ENTHD1: variants seen among roughly 807,000 people sequenced by gnomAD.
ENTHD1 encodes ENTH domain-containing protein 1.
A neutral mutation model predicts 39.1 loss-of-function variants in ENTHD1; 23 were observed. The observed-to-expected ratio is 0.59, with a 90% CI of 0.42 to 0.83. The LOEUF is 0.83. ENTHD1 is among the 40% of genes least tolerant of loss of function. ENTHD1 has a pLI of 0.00. For missense variants in ENTHD1, 624 were observed against 705.4 expected, an observed-to-expected ratio of 0.88 and a Z score of 1.31; for synonymous variants, 230 against 258.2, an observed-to-expected ratio of 0.89 and a Z score of 1.05.
intron 6 of ENTHD1, among the ~76,000 whole-genome samples, chr22:39,752,114 GATATACTTTTTGGTATACTATATACT>G (rs566669570): frequency 1.1e-4 from 16 of 151,714 alleles, no homozygotes; most frequent in African/African-American, 3.6e-4. Context: ...GAGAGAAATA[GATATACTTTTTGGTATACTATATACT>G]ATATACTTTT....
chr22:39,793,030 A>C (rs2065517173), intron 5 of ENTHD1, among the ~76,000 whole-genome samples: 1 of 152,152 alleles, frequency 6.6e-6, no homozygotes, highest in South Asian at 2.1e-4. Flanking sequence ...TAATGGCTGT[A>C]CTAATTTACA....
intron 1 of ENTHD1, among the ~76,000 whole-genome samples, chr22:39,892,395 C>T (rs986993952): frequency 1.2e-4 from 19 of 152,180 alleles, no homozygotes; most frequent in African/African-American, 4.6e-4. Flanking sequence ...CTTTTGGGTG[C>T]GGTGGTAGGG....
At chr22:39,772,804 A>G (rs1442215519) in intron 5 of ENTHD1, among the ~76,000 whole-genome samples, 1 of 152,216 alleles carries the variant, frequency 6.6e-6, no homozygotes, top group Non-Finnish European at 1.5e-5. Flanking sequence ...CCATGGAACG[A>G]TAAGTATAAG....
rs374715564 is a variant in ENTHD1, at chr22:39,858,034, T to G, written c.592+3731A>C. Among the ~76,000 whole-genome samples, 266 of 152,314 alleles carry G rather than the reference T, an allele frequency of 1.7e-3. 1 individual carries two copies. Among genetic ancestry groups the G allele is most frequent in the African/African-American group, 6.0e-3 (248 of 41,570 alleles). ...AATAAAGCCTGCAACATCAACTGAC[T>G]CTTCCTTTCACAAAAGATTTATCTG... On this transcript the variant is annotated intron_variant, in intron 3 of 6. Coordinates refer to ENST00000325157, the MANE Select transcript of ENTHD1 (RefSeq NM_152512.4).
intron 3 of ENTHD1, among the ~76,000 whole-genome samples, chr22:39,844,691 C>T (rs1601635357): frequency 6.6e-6 from 1 of 152,084 alleles, no homozygotes; most frequent in Non-Finnish European, 1.5e-5. Context: ...CCTTCTCCCC[C>T]AAAAGCAATA....
intron 4 of ENTHD1, among the ~76,000 whole-genome samples, chr22:39,830,006 A>C (rs1216819903): frequency 1.3e-5 from 2 of 152,052 alleles, no homozygotes; most frequent in African/African-American, 2.4e-5. Flanking sequence ...TTAGGCTCCC[A>C]AGTAGCTGGA....
intron 5 of ENTHD1, among the ~76,000 whole-genome samples, chr22:39,773,117 CAAAAAAAAAAAAAAAAA>C (rs57398699): frequency 2.8e-5 from 1 of 36,102 alleles, no homozygotes; most frequent in Non-Finnish European, 5.1e-5. Context: ...GACCTCATCT[CAAAAAAAAAAAAAAAAA>C]AAAAAAAAAA....
chr22:39,882,570 G>T (rs139019667), intron 2 of ENTHD1, among the ~76,000 whole-genome samples: 33 of 152,336 alleles, frequency 2.2e-4, no homozygotes, highest in African/African-American at 7.7e-4. Flanking sequence ...AGAGCCAGTG[G>T]TTTGCAAACT....
At chr22:39,841,341 G>A (rs991759902) in intron 3 of ENTHD1, among the ~76,000 whole-genome samples, 1 of 152,148 alleles carries the variant, frequency 6.6e-6, no homozygotes, top group African/African-American at 2.4e-5. Context: ...GAGCCATTAG[G>A]GAGCGCTCTT....
chr22:39,835,577 AC>A (rs1569160609), intron 4 of ENTHD1, among the ~76,000 whole-genome samples: 1 of 152,136 alleles, frequency 6.6e-6, no homozygotes, highest in Non-Finnish European at 1.5e-5. Context: ...AACAAAAGAC[AC>A]CAAAAGCAAA....
chr22:39,840,583 A>G (rs764338497), intron 3 of ENTHD1, among the ~76,000 whole-genome samples: 4 of 151,832 alleles, frequency 2.6e-5, no homozygotes, highest in Non-Finnish European at 5.9e-5. Flanking sequence ...TTAAAAAATT[A>G]ATTTTTAGTA....
intron 2 of ENTHD1, among the ~76,000 whole-genome samples, chr22:39,865,932 C>T (rs2066178609): frequency 6.6e-6 from 1 of 152,212 alleles, no homozygotes; most frequent in African/African-American, 2.4e-5. Context: ...CTTGCATTTT[C>T]TCTTCTTGCA....
intron 3 of ENTHD1, among the ~76,000 whole-genome samples, chr22:39,853,992 A>T (rs2146710448): frequency 6.6e-6 from 1 of 152,334 alleles, no homozygotes; most frequent in South Asian, 2.1e-4. Flanking sequence ...GCTGGAGCCC[A>T]TCCTGGAAGC....
At chr22:39,782,969 G>A (rs1484104081) in intron 5 of ENTHD1, among the ~76,000 whole-genome samples, 2 of 152,082 alleles carry the variant, frequency 1.3e-5, no homozygotes, top group East Asian at 3.9e-4. Flanking sequence ...CATCCAAATT[G>A]GAAAGAAAGA....
intron 5 of ENTHD1, among the ~76,000 whole-genome samples, chr22:39,786,756 G>T (rs2146594256): frequency 6.6e-6 from 1 of 152,256 alleles, no homozygotes; most frequent in South Asian, 2.1e-4. Context: ...GAGCTCGACT[G>T]TTTTAGATTC....
chr22:39,795,778 A>G (rs1955641642), intron 5 of ENTHD1, among the ~76,000 whole-genome samples: 1 of 151,846 alleles, frequency 6.6e-6, no homozygotes, highest in Non-Finnish European at 1.5e-5. Flanking sequence ...CAGTTTGTTC[A>G]TATTTTTGGC....
intron 2 of ENTHD1, among the ~76,000 whole-genome samples, chr22:39,872,430 C>A (rs2066251581): frequency 6.6e-6 from 1 of 151,988 alleles, no homozygotes; most frequent in African/African-American, 2.4e-5. Flanking sequence ...TTGTCTAAAC[C>A]TTTTTCAAGG....
rs1449498296 is a variant in ENTHD1, at chr22:39,854,709, A to G, written c.592+7056T>C. ...TGGGAAAACATCCAAGAAAAGAAAA[A>G]AAAAAAGAAGTAGAAGTGGTGATGT... On this transcript the variant is annotated intron_variant, in intron 3 of 6. Coordinates refer to ENST00000325157, the MANE Select transcript of ENTHD1 (RefSeq NM_152512.4). Among the ~76,000 whole-genome samples the G allele has an allele frequency of 4.6e-5, 7 of 152,162 alleles. No individual in the cohort carries two copies. The South Asian group carries it at 1.2e-3, about 27-fold the overall frequency.
chr22:39,780,916 G>A (rs2065404384), intron 5 of ENTHD1, among the ~76,000 whole-genome samples: 1 of 151,862 alleles, frequency 6.6e-6, no homozygotes, highest in Non-Finnish European at 1.5e-5. Context: ...GGAGAATGGT[G>A]TGAACCCAGG....
Sources: gnomAD v4.1 joint callset for allele counts (sites outside exome capture counted in the v4.1 genomes callset) on GRCh38, gnomAD v4.1.1 for gene constraint, MANE v1.5 for transcripts, NCBI Gene and HGNC (gene_info 2026-07-23, HGNC 2026-07-21) for gene names.